Variants in KCNN3 observed in about 807,000 individuals in gnomAD.
KCNN3 encodes potassium calcium-activated channel subfamily N member 3.
KCNN3 carries 16 observed loss-of-function variants against 62.9 expected under a neutral mutation model. That is an observed-to-expected ratio of 0.25 (90% CI 0.17 to 0.39). KCNN3 has a LOEUF of 0.39. Among genes scored for constraint, KCNN3 ranks in the 10% least tolerant of loss-of-function variants. KCNN3 has a pLI of 1.00. For missense variants in KCNN3, 599 were observed against 949.4 expected (o/e 0.63, Z 4.85); for synonymous variants, 370 against 389.2 (o/e 0.95, Z 0.58).
intron 2 of KCNN3, among the ~76,000 whole-genome samples, chr1:154,797,852 G>T (rs141887661): frequency 5.5e-4 from 84 of 152,290 alleles, no homozygotes; most frequent in African/African-American, 1.9e-3. Flanking sequence ...TCTGTAACTT[G>T]CTGTGTGGAC....
intron 6 of KCNN3, among the ~76,000 whole-genome samples, chr1:154,714,667 G>A (rs1446888346): frequency 7.1e-6 from 1 of 141,378 alleles, no homozygotes; most frequent in East Asian, 2.1e-4. Context: ...AAAGCTCTTA[G>A]AGGTTCTTAC....
intron 3 of KCNN3, among the ~76,000 whole-genome samples, chr1:154,759,200 A>C (rs2101825036): frequency 6.6e-6 from 1 of 152,290 alleles, no homozygotes; most frequent in African/African-American, 2.4e-5. Flanking sequence ...GGGGGCCCCA[A>C]GCTGGCAGTG....
At chr1:154,821,492 G>A (rs573939919) in intron 2 of KCNN3, among the ~76,000 whole-genome samples, 2 of 152,260 alleles carry the variant, frequency 1.3e-5, no homozygotes, top group South Asian at 4.1e-4. Flanking sequence ...GCACCCTGGA[G>A]GCCCAGCCAA....
chr1:154,767,872 G>C (rs1648369852), intron 3 of KCNN3, among the ~76,000 whole-genome samples: 1 of 152,160 alleles, frequency 6.6e-6, no homozygotes, highest in Non-Finnish European at 1.5e-5. Flanking sequence ...TTCTCTCCTT[G>C]GGAGGAGGAA....
chr1:154,742,447 T>C (rs569209384), intron 3 of KCNN3, among the ~76,000 whole-genome samples: 4 of 152,288 alleles, frequency 2.6e-5, no homozygotes, highest in African/African-American at 7.2e-5. Context: ...TTCCCACCTG[T>C]AAAAGAGGAT....
At chr1:154,806,131 G>A (rs1053065434) in intron 2 of KCNN3, among the ~76,000 whole-genome samples, 18 of 152,160 alleles carry the variant, frequency 1.2e-4, no homozygotes, top group Non-Finnish European at 1.5e-4. Flanking sequence ...GTGGGGTATG[G>A]GTAGGAGAAG....
chr1:154,790,084 A>AT (rs1649445487), intron 2 of KCNN3, among the ~76,000 whole-genome samples: 1 of 152,004 alleles, frequency 6.6e-6, no homozygotes, highest in South Asian at 2.1e-4. Flanking sequence ...AATTTTTTGC[A>AT]TTTTTTAGTA....
At chr1:154,858,090 CAT>C (rs1274315731) in intron 1 of KCNN3, among the ~76,000 whole-genome samples, 1 of 152,182 alleles carries the variant, frequency 6.6e-6, no homozygotes, top group Non-Finnish European at 1.5e-5. Flanking sequence ...ATCGCTGGCA[CAT>C]AGTGTGCACC....
chr1:154,751,171 G>A (rs1444543912), intron 3 of KCNN3, among the ~76,000 whole-genome samples: 2 of 152,188 alleles, frequency 1.3e-5, no homozygotes, highest in South Asian at 2.1e-4. Context: ...CGCCCAACTC[G>A]CGGTGTGAGT....
chr1:154,784,863 G>C (rs1186405444), intron 2 of KCNN3, among the ~76,000 whole-genome samples: 1 of 152,232 alleles, frequency 6.6e-6, no homozygotes, highest in Non-Finnish European at 1.5e-5. Context: ...GAGGCTCGGA[G>C]AGGCTAAATA....
chr1:154,767,293 T>TA (rs1396124266), intron 3 of KCNN3, among the ~76,000 whole-genome samples: 1 of 151,978 alleles, frequency 6.6e-6, no homozygotes, highest in African/African-American at 2.4e-5. Flanking sequence ...ACCAGCAAAA[T>TA]AAAAAACCTG....
intron 1 of KCNN3, among the ~76,000 whole-genome samples, chr1:154,853,200 G>A (rs1652375368): frequency 6.6e-6 from 1 of 151,968 alleles, no homozygotes; most frequent in Non-Finnish European, 1.5e-5. Context: ...TGCTGTCCTG[G>A]CTGGTCTCAA....
chr1:154,790,132 T>C (rs6667623), intron 2 of KCNN3, among the ~76,000 whole-genome samples: 4,795 of 152,296 alleles, frequency 0.031, 237 homozygotes, highest in African/African-American at 0.11. Context: ...GCAACATATA[T>C]GTTGGCCAGG....
intron 7 of KCNN3, among the ~76,000 whole-genome samples, chr1:154,709,163 T>C (rs1700024481): frequency 6.6e-6 from 1 of 152,178 alleles, no homozygotes; most frequent in African/African-American, 2.4e-5. Flanking sequence ...CCCAACATCC[T>C]GTGGCCCCCT....
chr1:154,827,742 T>C (rs1651197558), intron 1 of KCNN3, among the ~76,000 whole-genome samples: 1 of 151,016 alleles, frequency 6.6e-6, no homozygotes, highest in South Asian at 2.1e-4. Context: ...GAAGTTGCAG[T>C]GAACCGAGAT....
intron 6 of KCNN3, among the ~76,000 whole-genome samples, chr1:154,714,407 GTGTGTGGTGTGTGGGA>G (rs1700173127): frequency 4.8e-5 from 5 of 104,846 alleles, no homozygotes; most frequent in Admixed American, 8.9e-5. Context: ...TGTGGTGTTT[GTGTGTGGTGTGTGGGA>G]TGTGTGGTGT....
rs1044440941 is a variant in KCNN3, at chr1:154,770,956, C to T, written c.1448+1019G>A. Among the ~76,000 whole-genome samples, 3 of 151,912 alleles carry T rather than the reference C, an allele frequency of 2.0e-5. No homozygotes were observed. The East Asian group carries it at 5.8e-4, about 29-fold the overall frequency. On this transcript the variant is annotated intron_variant, in intron 3 of 7. Coordinates refer to ENST00000271915, the MANE Select transcript of KCNN3 (RefSeq NM_002249.6). ...CCTGTAATCTCAGCTACATGGGAGG[C>T]TGAGGCAGGAGAATTGCTTGAACAC...
rs1055652968 is a variant in KCNN3, at chr1:154,767,947, C to T, written c.1448+4028G>A. 2.6e-5 allele frequency among the ~76,000 whole-genome samples: 4 copies of T among 152,214 alleles called. No individual in the cohort carries two copies. In the South Asian group the frequency reaches 8.3e-4, roughly 32 times the overall value. ...GATATGAGAACTGTCTTTTAAAATA[C>T]ATCTTGCTGTAGAGAGATTTCCATA... On this transcript the variant is annotated intron_variant, in intron 3 of 7. Transcript: ENST00000271915.
At chr1:154,837,103 C>T (rs77328013) in intron 1 of KCNN3, among the ~76,000 whole-genome samples, 5,044 of 141,580 alleles carry the variant, frequency 0.036, 139 homozygotes, top group Non-Finnish European at 0.056. Flanking sequence ...ATTGTTTAAG[C>T]CTTTTTTTTT....
Sources: gnomAD v4.1 joint callset for allele counts (sites outside exome capture counted in the v4.1 genomes callset) on GRCh38, gnomAD v4.1.1 for gene constraint, MANE v1.5 for transcripts, NCBI Gene and HGNC (gene_info 2026-07-23, HGNC 2026-07-21) for gene names.